Variants in CSMD3 observed in about 807,000 individuals in gnomAD.
The protein encoded by CSMD3 is CUB and Sushi multiple domains 3.
A neutral mutation model predicts 435.2 loss-of-function variants in CSMD3; 177 were observed. That is an observed-to-expected ratio of 0.41 (90% CI 0.36 to 0.46). The LOEUF is 0.46. CSMD3 is among the 20% of genes least tolerant of loss of function. The pLI is 0.34. For missense variants in CSMD3, 4,265 were observed against 4,504.6 expected, an observed-to-expected ratio of 0.95 and a Z score of 1.52; for synonymous variants, 1,656 against 1,520.5, an observed-to-expected ratio of 1.09 and a Z score of -2.07.
At chr8:112,280,574 T>C (rs1263256592) in intron 59 of CSMD3, among the ~76,000 whole-genome samples, 1 of 151,510 alleles carries the variant, frequency 6.6e-6, no homozygotes, top group African/African-American at 2.4e-5. Flanking sequence ...TAATTTCCAA[T>C]GGTTGTGTAT....
chr8:112,972,037 TTATC>T (rs939634326), intron 7 of CSMD3, among the ~76,000 whole-genome samples: 10 of 151,954 alleles, frequency 6.6e-5, no homozygotes, highest in African/African-American at 2.4e-4. Flanking sequence ...TTTATTTAAT[TTATC>T]TATGTGTTAA....
At chr8:112,330,900 A>G (rs1252075275) in intron 45 of CSMD3, among the ~76,000 whole-genome samples, 1 of 152,068 alleles carries the variant, frequency 6.6e-6, no homozygotes, top group Non-Finnish European at 1.5e-5. Context: ...TTGATTTTTC[A>G]AAAAGGGATC....
chr8:112,333,035 T>G (rs1000084408), intron 45 of CSMD3, among the ~76,000 whole-genome samples: 2 of 152,190 alleles, frequency 1.3e-5, no homozygotes, highest in Non-Finnish European at 2.9e-5. Flanking sequence ...TAATATGACA[T>G]TTAATCCTCT....
At chr8:112,806,300 C>T (rs562078191) in intron 12 of CSMD3, among the ~76,000 whole-genome samples, 18 of 152,238 alleles carry the variant, frequency 1.2e-4, no homozygotes, top group African/African-American at 1.7e-4. Flanking sequence ...GAAAATAAAG[C>T]GGCTACTTTT....
At position 112,747,327 on chromosome 8, in the gene CSMD3, A is replaced by G. The variant is rs534327154; in HGVS notation, c.1972+52835T>C. On this transcript the variant is annotated intron_variant, in intron 13 of 70. Coordinates refer to ENST00000297405, the MANE Select transcript of CSMD3 (RefSeq NM_198123.2). ...CTAAGTTAAATGTGGTTGGAGAAAA[A>G]CTTCAATAGTGCTAACTGCCTCACA... is the stretch of plus-strand genomic sequence containing the variant. Among the ~76,000 whole-genome samples, 11 of 150,904 alleles carry G rather than the reference A, an allele frequency of 7.3e-5. No homozygotes were observed. The East Asian group carries it at 2.2e-3, about 30-fold the overall frequency.
intron 22 of CSMD3, among the ~76,000 whole-genome samples, chr8:112,627,366 C>A (rs1483863033): frequency 1.3e-5 from 2 of 152,114 alleles, no homozygotes; most frequent in Admixed American, 1.3e-4. Flanking sequence ...AGAGTTTAGA[C>A]AAAGAGCAAG....
chr8:112,729,454 G>C (rs1036019664), intron 13 of CSMD3, among the ~76,000 whole-genome samples: 1 of 152,074 alleles, frequency 6.6e-6, no homozygotes, highest in Non-Finnish European at 1.5e-5. Context: ...GTAAAAGAAA[G>C]TATAAAATAA....
intron 5 of CSMD3, among the ~76,000 whole-genome samples, chr8:113,040,334 T>C (rs2087553548): frequency 6.6e-6 from 1 of 152,192 alleles, no homozygotes; most frequent in Non-Finnish European, 1.5e-5. Context: ...GTGATTATAG[T>C]CTTCCATAAG....
intron 13 of CSMD3, among the ~76,000 whole-genome samples, chr8:112,796,335 G>A (rs189268165): frequency 7.0e-4 from 107 of 152,182 alleles, no homozygotes; most frequent in African/African-American, 2.5e-3. Context: ...TAGGCATCAG[G>A]CTAGATTCTG....
At chr8:112,491,748 A>G (rs1820721222) in intron 31 of CSMD3, among the ~76,000 whole-genome samples, 1 of 152,050 alleles carries the variant, frequency 6.6e-6, no homozygotes, top group South Asian at 2.1e-4. Context: ...ATTAACTTCT[A>G]TGTCTATTAT....
intron 1 of CSMD3, among the ~76,000 whole-genome samples, chr8:113,326,714 CATTT>C (rs2093986522): frequency 6.6e-6 from 1 of 152,102 alleles, no homozygotes; most frequent in Non-Finnish European, 1.5e-5. Context: ...GTATTTCAGA[CATTT>C]ATGCCACTGT....
chr8:112,509,276 A>G (rs769065788), intron 28 of CSMD3, among the ~76,000 whole-genome samples: 8 of 151,978 alleles, frequency 5.3e-5, no homozygotes, highest in Non-Finnish European at 1.0e-4. Context: ...TTTTGGAGAG[A>G]CAGAGTTTTG....
chr8:112,983,740 T>C (rs1329918213), intron 6 of CSMD3, among the ~76,000 whole-genome samples: 1 of 151,856 alleles, frequency 6.6e-6, no homozygotes, highest in Non-Finnish European at 1.5e-5. Flanking sequence ...ATCTGATCCA[T>C]ATGATTGTTA....
In CSMD3 at chr8:112,529,129, A is replaced by G. The variant is rs1302547699; in HGVS notation, c.4565-11904T>C. ...TCAGCTTCTCTCTGAGAAGAAAAAG[A>G]GTTGATCTAAGCATCCAATGCCCCA... On this transcript the variant is annotated intron_variant, in intron 27 of 70. Coordinates refer to ENST00000297405, the MANE Select transcript of CSMD3 (RefSeq NM_198123.2). Among the ~76,000 whole-genome samples the G allele has an allele frequency of 2.0e-5, 3 of 152,298 alleles. No individual in the cohort carries two copies. The South Asian group carries it at 6.2e-4, about 32-fold the overall frequency.
intron 24 of CSMD3, among the ~76,000 whole-genome samples, chr8:112,570,789 C>T (rs1460967827): frequency 6.6e-6 from 1 of 152,096 alleles, no homozygotes; most frequent in Non-Finnish European, 1.5e-5. Context: ...ACAAAATTGT[C>T]TACTGATATG....
rs546683533 is a variant in CSMD3, at chr8:112,668,522, C to T, written c.2678-2107G>A. 7.6e-4 allele frequency among the ~76,000 whole-genome samples: 116 copies of T among 152,144 alleles called. 1 individual carries two copies. Among genetic ancestry groups the T allele is most frequent in the Non-Finnish European group, 1.4e-3 (92 of 67,994 alleles). ...TACTGAGAAGCATTCCGACTAGCCA[C>T]TCAGTGCAAAATGTGAGGGAGGCAG... On this transcript the variant is annotated intron_variant, in intron 16 of 70. Coordinates refer to ENST00000297405, the MANE Select transcript of CSMD3 (RefSeq NM_198123.2).
At chr8:113,179,190 G>A (rs1029869909) in intron 3 of CSMD3, among the ~76,000 whole-genome samples, 23 of 151,670 alleles carry the variant, frequency 1.5e-4, no homozygotes, top group African/African-American at 5.1e-4. Flanking sequence ...AATTTTATAA[G>A]ACTGTTGATA....
chr8:112,305,709 A>C (rs577097457), intron 51 of CSMD3, among the ~76,000 whole-genome samples: 2 of 152,226 alleles, frequency 1.3e-5, no homozygotes, highest in South Asian at 4.1e-4. Context: ...TCAAGGGGCC[A>C]TGTACTGAAA....
intron 3 of CSMD3, among the ~76,000 whole-genome samples, chr8:113,257,539 G>A (rs188135529): frequency 2.4e-4 from 37 of 152,200 alleles, no homozygotes; most frequent in Admixed American, 1.7e-3. Flanking sequence ...CTCATCCCTT[G>A]TCTAATCTAT....
Sources: gnomAD v4.1 joint callset for allele counts (sites outside exome capture counted in the v4.1 genomes callset) on GRCh38, gnomAD v4.1.1 for gene constraint, MANE v1.5 for transcripts, NCBI Gene and HGNC (gene_info 2026-07-23, HGNC 2026-07-21) for gene names.